The following CCDC186 variants were observed in gnomAD, a reference collection of about 807,000 sequenced individuals.
CCDC186 encodes coiled-coil domain containing 186.
Under a neutral mutation model 113.7 loss-of-function variants are expected in CCDC186, and 49 were observed. The observed-to-expected ratio is 0.43, with a 90% CI of 0.34 to 0.55. The LOEUF (loss-of-function observed/expected upper bound fraction) is 0.55, where lower values mean the gene tolerates loss of function less well. Among genes scored for constraint, CCDC186 ranks in the 20% least tolerant of loss-of-function variants. The pLI, the probability that CCDC186 is intolerant of heterozygous loss-of-function variation, is 0.02. For missense variants in CCDC186, 890 were observed against 1,011.1 expected, an observed-to-expected ratio of 0.88 and a Z score of 1.62; for synonymous variants, 355 against 345.8, an observed-to-expected ratio of 1.03 and a Z score of -0.30.
At chr10:114,142,950 G>A (rs2031525188) in intron 6 of CCDC186, among the ~76,000 whole-genome samples, 1 of 152,142 alleles carries the variant, frequency 6.6e-6, no homozygotes, top group Non-Finnish European at 1.5e-5. Flanking sequence ...CATAAAACAA[G>A]TAACCGGGAG....
intron 1 of CCDC186, chr10:114,165,808 A>C (rs2032319383): frequency 1.3e-6 from 1 of 791,180 alleles, no homozygotes; most frequent in Admixed American, 7.0e-5. Flanking sequence ...AGATCGTGCC[A>C]TTGCACTCCA....
intron 1 of CCDC186, among the ~76,000 whole-genome samples, chr10:114,164,742 T>C (rs1410280150): frequency 1.3e-5 from 2 of 152,178 alleles, no homozygotes; most frequent in East Asian, 1.9e-4. Flanking sequence ...GGAAAACTAA[T>C]GGAGAGATAT....
rs1272090593 is a variant in CCDC186, at chr10:114,122,438, C to A, written c.*2705G>T. On this transcript the variant is annotated 3_prime_UTR_variant, in exon 16 of 16. Coordinates refer to ENST00000369287, the MANE Select transcript of CCDC186 (RefSeq NM_018017.4). ...TGGTATGGGGAAAATGGAGTCATGG[C>A]AAATATTCACTTCAAAATTAAAACC... 1.3e-5 allele frequency: 2 copies of A among 152,078 alleles called. No individual in the cohort carries two copies. The highest frequency in any genetic ancestry group is 2.4e-5 in the African/African-American group (1 of 41,414). The allele number at this position is 152,078 out of a possible 1,614,324, so 9.4% of individuals were successfully genotyped here.
chr10:114,162,840 T>C lies in CCDC186; in HGVS notation c.429A>G (p.Thr143=). 7 of 1,614,030 alleles carry C rather than the reference T, an allele frequency of 4.3e-6. No individual in the cohort carries two copies. The highest frequency in any genetic ancestry group is 5.9e-6 in the Non-Finnish European group (7 of 1,179,944). The change falls in exon 2 of 16, where the codon ACA becomes ACG. Residue 143 remains threonine (T), a synonymous_variant. Transcript: ENST00000369287. ...TTGAAATAAATTTCTTGGTGCAGTCTGTATCATAGGGGCTTTCTGAATAAG... is the reference window on the plus strand; with the variant it reads ...TTGAAATAAATTTCTTGGTGCAGTCCGTATCATAGGGGCTTTCTGAATAAG... ...EKTYSESPYD[T]DCTKKFISKI...
At chr10:114,145,107 T>A (rs2031594287) in intron 5 of CCDC186, among the ~76,000 whole-genome samples, 1 of 152,152 alleles carries the variant, frequency 6.6e-6, no homozygotes, top group East Asian at 1.9e-4. Flanking sequence ...AAGAAAGACA[T>A]GTTTTTCTGT....
chr10:114,162,850 G>T lies in CCDC186; in HGVS notation c.419C>A (p.Pro140His). 3.7e-6 allele frequency: 6 copies of T among 1,613,880 alleles called. No homozygotes were observed. In the East Asian group the frequency reaches 1.1e-4, roughly 30 times the overall value. ...SANEKTYSES[P>H]YDTDCTKKFI... The stretch of plus-strand genomic sequence containing the variant: ...TTTCTTGGTGCAGTCTGTATCATAG[G>T]GGCTTTCTGAATAAGTCTTTTCATT... The change falls in exon 2 of 16, where the codon CCC becomes CAC. Residue 140 changes from proline to histidine, a missense_variant. Coordinates refer to ENST00000369287, the MANE Select transcript of CCDC186 (RefSeq NM_018017.4).
intron 10 of CCDC186, among the ~76,000 whole-genome samples, chr10:114,132,579 G>T (rs568623272): frequency 6.6e-6 from 1 of 152,288 alleles, no homozygotes; most frequent in South Asian, 2.1e-4. Flanking sequence ...TGCTGCAATT[G>T]TTCCACTCTG....
chr10:114,161,921 A>C (rs1242846348), intron 2 of CCDC186: 1 of 152,224 alleles, frequency 6.6e-6, no homozygotes. Context: ...AAATGAAATA[A>C]GCCAGTCATG....
intron 10 of CCDC186, among the ~76,000 whole-genome samples, 199 bp downstream of exon 10, chr10:114,134,714 T>A (rs1020168458): frequency 6.6e-6 from 1 of 152,202 alleles, no homozygotes; most frequent in Non-Finnish European, 1.5e-5. Flanking sequence ...GTTTAAGGAA[T>A]ATAAACTTTG....
At chr10:114,150,993 C>A (rs1284644518) in intron 4 of CCDC186, 99 bp downstream of exon 4, 1 of 1,402,102 alleles carries the variant, frequency 7.1e-7, no homozygotes, top group Non-Finnish European at 9.7e-7. Context: ...AGTATTAATA[C>A]AATAGTGAGG....
chr10:114,135,439 T>C lies in CCDC186; in HGVS notation c.1513-384A>G, dbSNP rs141418041. ...TGAATGATACACATTCATATTCATA[T>C]TAGAAGACATACTAATCTTACAATA... On this transcript the variant is annotated intron_variant, in intron 9 of 15. Coordinates refer to ENST00000369287, the MANE Select transcript of CCDC186 (RefSeq NM_018017.4). 5.9e-5 allele frequency among the ~76,000 whole-genome samples: 9 copies of C among 152,298 alleles called. No individual in the cohort carries two copies. In the East Asian group the frequency reaches 1.5e-3, roughly 26 times the overall value.
At chr10:114,153,032 C>T (rs934650700) in intron 3 of CCDC186, among the ~76,000 whole-genome samples, 1 of 152,156 alleles carries the variant, frequency 6.6e-6, no homozygotes, top group Non-Finnish European at 1.5e-5. Context: ...TTGGAGACTT[C>T]ACTATCCTAC....
At chr10:114,171,331 T>C (rs1216664677) in intron 1 of CCDC186, among the ~76,000 whole-genome samples, 3 of 151,882 alleles carry the variant, frequency 2.0e-5, no homozygotes, top group Admixed American at 6.6e-5. Context: ...AGGCCAGGAA[T>C]TAAGAGAACA....
chr10:114,174,115 A>AG lies in CCDC186; in HGVS notation c.-163dup, dbSNP rs1564923425. ...CGGGGTCCAACCAGCCAAGAGTGGG[A>AG]GGAAAAGACCGCGGTGAGAAACACA... is the stretch of plus-strand genomic sequence containing the variant. On this transcript the variant is annotated 5_prime_UTR_variant, in exon 1 of 16. It removes the in-frame stop codon of an upstream open reading frame in the 5' UTR. Coordinates refer to ENST00000369287, the MANE Select transcript of CCDC186 (RefSeq NM_018017.4). 2 of 472,216 alleles carry AG rather than the reference A, an allele frequency of 4.2e-6. No homozygotes were observed. The highest frequency in any genetic ancestry group is 8.8e-6 in the Non-Finnish European group (2 of 227,038). 29.3% of individuals were successfully genotyped at this position (472,216 alleles called of 1,614,324 possible).
chr10:114,151,125 C>T lies in CCDC186; in HGVS notation c.855G>A (p.Gln285=). Residue 285 remains glutamine, a synonymous_variant, in exon 4 of 16, where the codon CAG becomes CAA. Coordinates refer to ENST00000369287, the MANE Select transcript of CCDC186 (RefSeq NM_018017.4). ...QDVTAKNAVQ[Q]LHKEMAQRME... ...TCCGTTGGGCCATCTCTTTGTGTAA[C>T]TGCTGAACTGCATTTTTAGCTGTAA... The T allele has an allele frequency of 6.2e-7, 1 of 1,613,892 alleles. No homozygotes were observed. Among genetic ancestry groups the T allele is most frequent in the Non-Finnish European group, 8.5e-7 (1 of 1,179,898 alleles).
At position 114,163,238 on chromosome 10, in the gene CCDC186, A is replaced by T; in HGVS notation, c.31T>A (p.Ser11Thr). 1 of 1,612,826 alleles carries T rather than the reference A, an allele frequency of 6.2e-7. No individual in the cohort carries two copies. The highest frequency in any genetic ancestry group is 8.5e-7 in the Non-Finnish European group (1 of 1,179,972). ...GTTTTCCCAACATTTTTATCAGAGGAAGTAGAGGCTATGTGGTCTGTCTCT... is the reference window on the plus strand; with the variant it reads ...GTTTTCCCAACATTTTTATCAGAGGTAGTAGAGGCTATGTGGTCTGTCTCT... Reference protein sequence around the residue: MSETDHIASTSSDKNVGKTPE... With the variant: MSETDHIASTTSDKNVGKTPE... The change falls in exon 2 of 16, where the codon TCC (serine) becomes ACC (threonine). Residue 11 changes from serine to threonine, a missense_variant. Physicochemically the swap from Ser to Thr is moderately conservative, Grantham distance 58. Transcript: ENST00000369287.
intron 2 of CCDC186, 171 bp downstream of exon 2, chr10:114,162,466 C>T (rs902886532): frequency 1.5e-5 from 8 of 521,234 alleles, no homozygotes; most frequent in South Asian, 3.6e-5. Context: ...CTGAAAAACT[C>T]GACATTTGCT....
chr10:114,136,122 G>T, intron 8 of CCDC186, 26 bp downstream of exon 8: 6 of 1,570,386 alleles, frequency 3.8e-6, no homozygotes, highest in Non-Finnish European at 5.3e-6. Flanking sequence ...TGCAACTTAG[G>T]ATATATAAAG....
At chr10:114,141,956 A>C (rs1269902112) in intron 6 of CCDC186, among the ~76,000 whole-genome samples, 1 of 152,176 alleles carries the variant, frequency 6.6e-6, no homozygotes, top group Non-Finnish European at 1.5e-5. Context: ...TTGTTTTTTA[A>C]GGTAGAAGGG....
Sources: allele counts gnomAD v4.1 joint callset (sites outside exome capture counted in the v4.1 genomes callset), GRCh38; gene constraint gnomAD v4.1.1; transcripts MANE v1.5; gene names NCBI Gene and HGNC (gene_info 2026-07-23, HGNC 2026-07-21).